The following CPVL variants were observed in gnomAD, a reference collection of about 807,000 sequenced individuals.
CPVL encodes carboxypeptidase vitellogenic like.
In CPVL, 51 loss-of-function variants were observed where a neutral mutation model predicts 63.7. That is an observed-to-expected ratio of 0.80 (90% confidence interval 0.64 to 1.01). CPVL has a LOEUF of 1.01. CPVL is among the 50% of genes least tolerant of loss of function. CPVL has a pLI of 0.00. For synonymous variants in CPVL, 195 were observed against 206.0 expected, an observed-to-expected ratio of 0.95 and a Z score of 0.46; for missense variants, 530 against 573.1, an observed-to-expected ratio of 0.92 and a Z score of 0.77.
chr7:29,156,037 CAA>C (rs1794325425), intron 5 of CPVL, among the ~76,000 whole-genome samples: 1 of 152,142 alleles, frequency 6.6e-6, no homozygotes, highest in Non-Finnish European at 1.5e-5. Context: ...TCCCTTAAAT[CAA>C]AAGAGTGCTG....
chr7:29,194,999 C>T, intron 1 of CPVL: 1 of 1,585,312 alleles, frequency 6.3e-7, no homozygotes, highest in East Asian at 2.4e-5. Context: ...CGGTGAGTTT[C>T]AGCCCGTCGG....
chr7:29,047,649 T>A (rs1397559163), intron 11 of CPVL, among the ~76,000 whole-genome samples: 5 of 152,188 alleles, frequency 3.3e-5, no homozygotes, highest in Non-Finnish European at 7.4e-5. Context: ...TCCCTGGCCT[T>A]GCTAGAGACC....
chr7:29,180,830 T>C (rs2128742315), intron 5 of CPVL, among the ~76,000 whole-genome samples: 1 of 152,312 alleles, frequency 6.6e-6, no homozygotes, highest in African/African-American at 2.4e-5. Flanking sequence ...ACTCGTATCA[T>C]CCGTATACCT....
chr7:29,002,754 G>T (rs1481002845), intron 12 of CPVL, among the ~76,000 whole-genome samples: 1 of 151,312 alleles, frequency 6.6e-6, no homozygotes, highest in South Asian at 2.1e-4. Flanking sequence ...TTAAGAACTC[G>T]ATCGATGTTT....
chr7:29,101,685 G>A (rs323200), intron 3 of CPVL, among the ~76,000 whole-genome samples: 88,240 of 151,462 alleles, frequency 0.58, 28,281 homozygotes, highest in African/African-American at 0.86. Flanking sequence ...TTTTTCTTCA[G>A]TGAAGGTATT....
chr7:29,180,035 T>C (rs1013735044), intron 5 of CPVL, among the ~76,000 whole-genome samples: 1 of 152,232 alleles, frequency 6.6e-6, no homozygotes, highest in African/African-American at 2.4e-5. Context: ...AAATAAGATG[T>C]CCTTTCATCA....
At position 29,112,913 on chromosome 7, in the gene CPVL, T is replaced by C; in HGVS notation, c.170-91A>G. On this transcript the variant is annotated intron_variant, in intron 2 of 12. Transcript: ENST00000265394. Reference sequence around the variant, plus strand: ...CTATCTCAGTCTGGATGAAATGGAGTGATTAGATAAGCTAAAAGGGAACTG... The same window carrying C: ...CTATCTCAGTCTGGATGAAATGGAGCGATTAGATAAGCTAAAAGGGAACTG... 12 of 879,944 alleles carry C rather than the reference T, an allele frequency of 1.4e-5. No homozygotes were observed. In the South Asian group the frequency reaches 1.5e-4, roughly 11 times the overall value. The allele number at this position is 879,944 out of a possible 1,614,324, so 54.5% of individuals were successfully genotyped here.
At chr7:29,060,198 AG>A (rs34348898) in intron 11 of CPVL, among the ~76,000 whole-genome samples, 89,638 of 152,004 alleles carry the variant, frequency 0.59, 28,056 homozygotes, top group Non-Finnish European at 0.7. Flanking sequence ...TCTAACCATC[AG>A]GCACTCTTCT....
intron 12 of CPVL, among the ~76,000 whole-genome samples, chr7:28,996,560 AAAAC>A (rs1401500912): frequency 2.0e-5 from 3 of 152,052 alleles, no homozygotes; most frequent in Admixed American, 6.5e-5. Flanking sequence ...AAAAAAAAAA[AAAAC>A]AAAACAAAAA....
intron 9 of CPVL, among the ~76,000 whole-genome samples, chr7:29,068,000 T>G (rs1783304745): frequency 6.6e-6 from 1 of 151,486 alleles, no homozygotes; most frequent in African/African-American, 2.4e-5. Context: ...ATTATTATAT[T>G]CATATTCTTT....
intron 1 of CPVL, among the ~76,000 whole-genome samples, chr7:29,129,158 C>T (rs74330431): frequency 0.038 from 5,781 of 152,260 alleles, 372 homozygotes; most frequent in African/African-American, 0.13. Flanking sequence ...TAAGAGGCCA[C>T]TGTTATAACC....
chr7:29,150,837 G>A (rs1793492488), upstream of CPVL, among the ~76,000 whole-genome samples: 1 of 152,164 alleles, frequency 6.6e-6, no homozygotes, highest in Non-Finnish European at 1.5e-5. Context: ...ACAGCGAAAA[G>A]AGAAATGTCA....
chr7:29,187,239 T>C (rs1251564971), intron 1 of CPVL, among the ~76,000 whole-genome samples: 1 of 152,186 alleles, frequency 6.6e-6, no homozygotes, highest in Non-Finnish European at 1.5e-5. Flanking sequence ...TATACTTTTA[T>C]TGAAATCTAC....
intron 12 of CPVL, among the ~76,000 whole-genome samples, chr7:29,025,595 C>G (rs112410189): frequency 1.4e-3 from 216 of 152,206 alleles, no homozygotes; most frequent in African/African-American, 4.5e-3. Flanking sequence ...CAGCTACCTG[C>G]AAGAAACTCA....
At chr7:29,179,005 A>G (rs1797726438) in intron 5 of CPVL, among the ~76,000 whole-genome samples, 1 of 152,130 alleles carries the variant, frequency 6.6e-6, no homozygotes, top group Admixed American at 6.5e-5. Flanking sequence ...CTCCTCAGTT[A>G]TGGTTTTGAG....
chr7:29,184,584 G>A (rs915783849), intron 3 of CPVL: 1 of 152,114 alleles, frequency 6.6e-6, no homozygotes, highest in African/African-American at 2.4e-5. Context: ...TCAGTCCAAA[G>A]GCCATCACAA....
At chr7:29,068,338 A>C (rs984498715) in intron 9 of CPVL, among the ~76,000 whole-genome samples, 2 of 152,150 alleles carry the variant, frequency 1.3e-5, no homozygotes. Context: ...TTTTTCAAAC[A>C]TGAAAGAACT....
Position 29,095,089 on chromosome 7 carries a change from T to C in CPVL, c.457A>G (p.Asn153Asp). ...TTTLSMLYID[N>D]PVGTGFSFTD... is the part of the protein sequence containing the mutation. The stretch of plus-strand genomic sequence containing the variant: ...CAGGGTCATCCCGGACTTACTGGAT[T>C]GTCAATGTAAAGCATGGAGAGCGTT... Residue 153 changes from asparagine (N) to aspartate (D), a missense_variant, in exon 5 of 13, where the codon AAT becomes GAT. Transcript: ENST00000265394. 6.2e-7 allele frequency: 1 copy of C among 1,613,608 alleles called. No individual in the cohort carries two copies. Among genetic ancestry groups the C allele is most frequent in the Non-Finnish European group, 8.5e-7 (1 of 1,179,528 alleles).
upstream of CPVL, among the ~76,000 whole-genome samples, chr7:29,151,418 C>A (rs76536060): frequency 6.6e-6 from 1 of 152,092 alleles, no homozygotes; most frequent in African/African-American, 2.4e-5. Context: ...AGTTTCCCTT[C>A]GGCTATGGAA....
Sources: gnomAD v4.1 joint callset for allele counts (sites outside exome capture counted in the v4.1 genomes callset) on GRCh38, gnomAD v4.1.1 for gene constraint, MANE v1.5 for transcripts, NCBI Gene and HGNC (gene_info 2026-07-23, HGNC 2026-07-21) for gene names.